The following NT5DC1 variants were observed in gnomAD, a reference collection of about 807,000 sequenced individuals.
NT5DC1 encodes the protein 5'-nucleotidase domain-containing protein 1.
A neutral mutation model predicts 59.4 loss-of-function variants in NT5DC1; 42 were observed. That is an observed-to-expected ratio of 0.71 (90% CI 0.55 to 0.92). The LOEUF is 0.92. NT5DC1 is among the 40% of genes least tolerant of loss of function. The pLI is 0.00. For missense variants in NT5DC1, 501 were observed against 537.1 expected, an observed-to-expected ratio of 0.93 and a Z score of 0.66; for synonymous variants, 172 against 188.1, an observed-to-expected ratio of 0.91 and a Z score of 0.70.
chr6:116,101,829 A>AT (rs1285377076), intron 1 of NT5DC1, among the ~76,000 whole-genome samples: 1 of 152,088 alleles, frequency 6.6e-6, no homozygotes, highest in African/African-American at 2.4e-5. Context: ...AAGTTACCAG[A>AT]TTTTTTTAGT....
At chr6:116,124,300 T>G (rs1398469051) in intron 6 of NT5DC1, among the ~76,000 whole-genome samples, 2 of 152,224 alleles carry the variant, frequency 1.3e-5, no homozygotes, top group African/African-American at 4.8e-5. Context: ...TAAAAAATTA[T>G]GGAAAGGGAG....
intron 6 of NT5DC1, among the ~76,000 whole-genome samples, chr6:116,164,050 A>G (rs2114434861): frequency 6.6e-6 from 1 of 152,306 alleles, no homozygotes; most frequent in South Asian, 2.1e-4. Context: ...CCATGCACAG[A>G]TGAGAAAAAT....
At position 116,161,084 on chromosome 6, in the gene NT5DC1, C is replaced by T. The variant is rs925462756; in HGVS notation, c.529+43139C>T. ...GAAATCATCATTCTCAGTAAACTATCGTAAGAACAAAAAACCAAACACCGC... is the reference window on the plus strand; with the variant it reads ...GAAATCATCATTCTCAGTAAACTATTGTAAGAACAAAAAACCAAACACCGC... On this transcript the variant is annotated intron_variant, in intron 6 of 11. Coordinates refer to ENST00000319550, the MANE Select transcript of NT5DC1 (RefSeq NM_152729.3). Among the ~76,000 whole-genome samples, 68 of 150,962 alleles carry T rather than the reference C, an allele frequency of 4.5e-4. 1 individual carries two copies. The highest frequency in any genetic ancestry group is 4.3e-3 in the Admixed American group (65 of 15,128).
At chr6:116,170,245 T>A (rs1780573510) in intron 6 of NT5DC1, among the ~76,000 whole-genome samples, 2 of 151,902 alleles carry the variant, frequency 1.3e-5, no homozygotes, top group South Asian at 2.1e-4. Context: ...TTATCTTGTG[T>A]CCCCACCAGT....
At chr6:116,152,446 C>G (rs891653112) in intron 6 of NT5DC1, among the ~76,000 whole-genome samples, 2 of 152,012 alleles carry the variant, frequency 1.3e-5, no homozygotes, top group African/African-American at 4.8e-5. Flanking sequence ...ACTCCTGTGT[C>G]CTCTAGCTTT....
intron 6 of NT5DC1, among the ~76,000 whole-genome samples, chr6:116,144,362 G>A (rs1000960550): frequency 2.0e-5 from 3 of 152,036 alleles, no homozygotes; most frequent in African/African-American, 4.8e-5. Context: ...TTAGCTGGGC[G>A]TGATGGTGCA....
intron 6 of NT5DC1, chr6:116,119,123 A>G (rs1779028999): frequency 6.6e-6 from 1 of 152,660 alleles, no homozygotes; most frequent in Non-Finnish European, 1.5e-5. Context: ...AAACAGCAAT[A>G]TAAAAATACA....
intron 6 of NT5DC1, among the ~76,000 whole-genome samples, chr6:116,145,836 TG>T (rs773919461): frequency 2.0e-5 from 3 of 152,240 alleles, no homozygotes; most frequent in Non-Finnish European, 2.9e-5. Context: ...TGTGAACTAA[TG>T]AAACCAAATT....
chr6:116,176,001 G>C (rs1780726675), intron 6 of NT5DC1, among the ~76,000 whole-genome samples: 1 of 152,114 alleles, frequency 6.6e-6, no homozygotes, highest in Non-Finnish European at 1.5e-5. Context: ...ATTTTTGATT[G>C]AATGCTGGAC....
At chr6:116,104,169 C>G (rs935521471) in intron 1 of NT5DC1, among the ~76,000 whole-genome samples, 2 of 152,158 alleles carry the variant, frequency 1.3e-5, no homozygotes, top group Non-Finnish European at 2.9e-5. Flanking sequence ...CTGCAAGAAG[C>G]CTTCTGCCTA....
chr6:116,239,001 CT>C lies in NT5DC1; in HGVS notation c.1137del (p.Phe379LeufsTer74), dbSNP rs1782176515. The C allele has an allele frequency of 1.2e-6, 2 of 1,608,756 alleles. No homozygotes were observed. Among genetic ancestry groups the C allele is most frequent in the African/African-American group, 1.3e-5 (1 of 74,862 alleles). On this transcript the variant is annotated frameshift_variant, in exon 11 of 12. Coordinates refer to ENST00000319550, the MANE Select transcript of NT5DC1 (RefSeq NM_152729.3). LOFTEE classifies it high-confidence loss of function. ...AATACTTCATCTAAAAAATGGGGCT[CT>C]TTTTTTATTGATTCAGTTTTGGGAC... ...PLNTSSKKWG[S>X]FFIDSVLGLE...
intron 6 of NT5DC1, among the ~76,000 whole-genome samples, chr6:116,205,606 G>GA (rs1226937517): frequency 6.6e-6 from 1 of 151,600 alleles, no homozygotes; most frequent in South Asian, 2.1e-4. Context: ...AATTGGGGGG[G>GA]AAAAAAGGCT....
chr6:116,241,922 C>CAAAAAAAAAAAA (rs772261524), intron 11 of NT5DC1, among the ~76,000 whole-genome samples: 1 of 10,474 alleles, frequency 9.5e-5, no homozygotes, highest in African/African-American at 7.8e-4. Flanking sequence ...GACTCCGTCT[C>CAAAAAAAAAAAA]AAAAAAAAAA....
At chr6:116,181,348 A>G (rs1780869296) in intron 6 of NT5DC1, among the ~76,000 whole-genome samples, 1 of 152,118 alleles carries the variant, frequency 6.6e-6, no homozygotes, top group South Asian at 2.1e-4. Flanking sequence ...CAGAATATAT[A>G]AAAAGTTGCA....
intron 6 of NT5DC1, among the ~76,000 whole-genome samples, chr6:116,200,002 G>GCA (rs773820394): frequency 2.0e-5 from 2 of 101,204 alleles, no homozygotes; most frequent in Non-Finnish European, 4.4e-5. Context: ...TGGAAAGTGG[G>GCA]GGGGGAAGAG....
chr6:116,161,574 TC>T lies in NT5DC1; in HGVS notation c.529+43631del, dbSNP rs567960853. ...TTTATTTCTGGGTTCTCTATTCTGC[TC>T]CATTGATCTATGTGTCTATTTTTGT... On this transcript the variant is annotated intron_variant, in intron 6 of 11. Coordinates refer to ENST00000319550, the MANE Select transcript of NT5DC1 (RefSeq NM_152729.3). Among the ~76,000 whole-genome samples the T allele has an allele frequency of 6.4e-4, 97 of 152,268 alleles. No individual in the cohort carries two copies. In the Middle Eastern group the frequency reaches 0.01, roughly 16 times the overall value.
At chr6:116,178,437 G>A (rs980609190) in intron 6 of NT5DC1, among the ~76,000 whole-genome samples, 6 of 152,136 alleles carry the variant, frequency 3.9e-5, no homozygotes, top group African/African-American at 1.4e-4. Flanking sequence ...TTATGGTCAG[G>A]TATAAGAATT....
chr6:116,188,719 T>TA (rs1781056375), intron 6 of NT5DC1, among the ~76,000 whole-genome samples: 1 of 151,548 alleles, frequency 6.6e-6, no homozygotes, highest in Non-Finnish European at 1.5e-5. Context: ...TTTTTTTTTT[T>TA]ACCTGATTAG....
intron 6 of NT5DC1, chr6:116,121,040 C>A (rs2114285215): frequency 6.2e-7 from 1 of 1,614,076 alleles, no homozygotes; most frequent in Non-Finnish European, 8.5e-7. Flanking sequence ...ACCTTTAGGG[C>A]CTGGGAGACC....
Sources: allele counts gnomAD v4.1 joint callset (sites outside exome capture counted in the v4.1 genomes callset), GRCh38; gene constraint gnomAD v4.1.1; transcripts MANE v1.5; gene names NCBI Gene and HGNC (gene_info 2026-07-23, HGNC 2026-07-21).